RNF111: variants seen among roughly 807,000 people sequenced by gnomAD.
RNF111 encodes the protein E3 ubiquitin-protein ligase Arkadia.
RNF111 carries 17 observed loss-of-function variants against 95.1 expected under a neutral mutation model. That is an observed-to-expected ratio of 0.18 (90% CI 0.12 to 0.27). The LOEUF is 0.27. Ranked by LOEUF, RNF111 falls within the 10% of genes least tolerant of loss-of-function variation. RNF111 has a pLI of 1.00. For missense variants in RNF111, 1,189 were observed against 1,210.4 expected, an observed-to-expected ratio of 0.98 and a Z score of 0.26; for synonymous variants, 440 against 414.8, an observed-to-expected ratio of 1.06 and a Z score of -0.74.
At chr15:59,060,463 C>A (rs1223663514) in intron 5 of RNF111, among the ~76,000 whole-genome samples, 4 of 151,776 alleles carry the variant, frequency 2.6e-5, no homozygotes, top group Non-Finnish European at 5.9e-5. Flanking sequence ...CAAAACAAAA[C>A]AAAAAAACAG....
chr15:59,069,524 G>A (rs1283980407), intron 6 of RNF111, among the ~76,000 whole-genome samples: 2 of 152,152 alleles, frequency 1.3e-5, no homozygotes. Flanking sequence ...TTGTAGGTAG[G>A]ATCTCTTTTA....
At chr15:59,049,252 TAC>T (rs1446518756) in intron 2 of RNF111, 2 of 152,354 alleles carry the variant, frequency 1.3e-5, no homozygotes, top group African/African-American at 4.8e-5. Context: ...CTACTTTAGA[TAC>T]TTCACATAAC....
chr15:59,072,736 G>A (rs1596276047), intron 6 of RNF111, among the ~76,000 whole-genome samples: 1 of 152,168 alleles, frequency 6.6e-6, no homozygotes, highest in Middle Eastern at 3.4e-3. Flanking sequence ...ACAGGCGTGA[G>A]CCACCACACC....
At chr15:59,067,228 C>A in intron 6 of RNF111, 145 bp downstream of exon 6, 1 of 692,988 alleles carries the variant, frequency 1.4e-6, no homozygotes, top group Admixed American at 3.2e-5. Context: ...CCCTCCCTGC[C>A]TCCCTCCGTT....
chr15:59,058,241 C>A, intron 4 of RNF111, 115 bp from the exon 5 acceptor site: 1 of 797,014 alleles, frequency 1.3e-6, no homozygotes, highest in Non-Finnish European at 1.9e-6. Flanking sequence ...TATTAGAGAG[C>A]TTGTATTTTT....
chr15:59,084,780 C>T (rs2078850574), intron 9 of RNF111, among the ~76,000 whole-genome samples: 1 of 152,110 alleles, frequency 6.6e-6, no homozygotes, highest in African/African-American at 2.4e-5. Flanking sequence ...TGACCCCCCA[C>T]CCTCTCCCCA....
intron 1 of RNF111, among the ~76,000 whole-genome samples, chr15:59,020,121 T>C (rs1197714784): frequency 6.7e-6 from 1 of 148,548 alleles, no homozygotes; most frequent in Non-Finnish European, 1.5e-5. Context: ...ATTTCATATA[T>C]AAAATACATA....
chr15:59,061,489 C>G (rs549132397), intron 5 of RNF111, among the ~76,000 whole-genome samples: 19 of 152,288 alleles, frequency 1.2e-4, no homozygotes, highest in African/African-American at 4.1e-4. Context: ...AAAACACTCT[C>G]CTTTTCCTCA....
intron 1 of RNF111, among the ~76,000 whole-genome samples, chr15:59,028,078 C>T (rs563420080): frequency 2.0e-5 from 3 of 152,050 alleles, no homozygotes; most frequent in African/African-American, 4.8e-5. Context: ...CTGCCCGCCT[C>T]GGCCTCCCAA....
At chr15:59,053,479 C>T (rs781771143) in intron 3 of RNF111, among the ~76,000 whole-genome samples, 8 of 152,152 alleles carry the variant, frequency 5.3e-5, no homozygotes, top group Non-Finnish European at 1.2e-4. Context: ...AGTATATATT[C>T]ATATTTCTGA....
intron 1 of RNF111, among the ~76,000 whole-genome samples, chr15:59,010,896 T>A (rs1341497451): frequency 6.6e-6 from 1 of 152,160 alleles, no homozygotes; most frequent in Non-Finnish European, 1.5e-5. Context: ...TTGGAATGAA[T>A]TCTGAGGGAA....
intron 1 of RNF111, among the ~76,000 whole-genome samples, chr15:58,992,674 G>A (rs2038870914): frequency 6.6e-6 from 1 of 151,928 alleles, no homozygotes; most frequent in Non-Finnish European, 1.5e-5. Flanking sequence ...ACAAAAATTA[G>A]ACAGGCATAA....
intron 1 of RNF111, among the ~76,000 whole-genome samples, chr15:59,019,064 C>A (rs889508240): frequency 2.0e-5 from 3 of 150,744 alleles, no homozygotes; most frequent in African/African-American, 7.4e-5. Flanking sequence ...GGTGAGACTT[C>A]AGGCACGTGC....
chr15:59,055,088 T>C (rs1259201612), intron 3 of RNF111, among the ~76,000 whole-genome samples: 2 of 152,208 alleles, frequency 1.3e-5, no homozygotes, highest in Admixed American at 1.3e-4. Flanking sequence ...CAGTCACGTG[T>C]TTTAGAAGCA....
intron 6 of RNF111, among the ~76,000 whole-genome samples, chr15:59,072,607 C>A (rs545058175): frequency 6.6e-6 from 1 of 151,690 alleles, no homozygotes; most frequent in African/African-American, 2.4e-5. Context: ...CCCGCCACCA[C>A]GCCTGGCTAA....
intron 6 of RNF111, among the ~76,000 whole-genome samples, chr15:59,067,422 C>T (rs1423445625): frequency 6.6e-6 from 1 of 152,070 alleles, no homozygotes. Flanking sequence ...TAACTACTTG[C>T]GTTAAAACCA....
chr15:59,004,319 A>T, intron 1 of RNF111: 1 of 207,996 alleles, frequency 4.8e-6, no homozygotes, highest in Non-Finnish European at 9.3e-6. Flanking sequence ...AGGTTTACTG[A>T]AACTAAAATT....
At position 59,097,040 on chromosome 15, in the gene RNF111, G is replaced by T. The variant is rs1244994374; in HGVS notation, c.*2140G>T. ...TTACTTTGAAATTTATTTAATAAAA[G>T]TATTTGTGACATAAACCTGAATTGT... On this transcript the variant is annotated 3_prime_UTR_variant, in exon 14 of 14. Transcript: ENST00000348370. 5.3e-5 allele frequency: 8 copies of T among 152,118 alleles called. No individual in the cohort carries two copies. Among genetic ancestry groups the T allele is most frequent in the African/African-American group, 1.9e-4 (8 of 41,400 alleles). 9.4% of individuals were successfully genotyped at this position (152,118 alleles called of 1,614,324 possible).
At chr15:59,030,731 T>C in intron 1 of RNF111, 73 bp from the exon 2 acceptor site, 1 of 1,058,302 alleles carries the variant, frequency 9.4e-7, no homozygotes, top group Non-Finnish European at 1.3e-6. Context: ...TTGGTGGAAT[T>C]TGAGAACTCT....
Sources: gnomAD v4.1 joint callset for allele counts (sites outside exome capture counted in the v4.1 genomes callset) on GRCh38, gnomAD v4.1.1 for gene constraint, MANE v1.5 for transcripts, NCBI Gene and HGNC (gene_info 2026-07-23, HGNC 2026-07-21) for gene names.